Variants in SPMIP4 observed in about 807,000 individuals in gnomAD.
The protein encoded by SPMIP4 is sperm microtubule inner protein 4.
chr7:25,174,881 A>G, the SPMIP4 span, among the ~76,000 whole-genome samples: 1 of 152,208 alleles, frequency 6.6e-6, no homozygotes, highest in Non-Finnish European at 1.5e-5. This position sits in a 1 kb window ranked among gnomAD's most constrained non-coding sequence, Gnocchi z 4.5. Flanking sequence ...TTATATACTT[A>G]ATATTTTTAA....
At chr7:25,135,898 C>A in the SPMIP4 span, 1 of 1,500,410 alleles carries the variant, frequency 6.7e-7, no homozygotes, top group Non-Finnish European at 8.9e-7. Context: ...CAGAATCCAG[C>A]AATACGAAGG....
At chr7:25,148,477 C>CTTTTTTTTTTT in the SPMIP4 span, among the ~76,000 whole-genome samples, 536 of 128,112 alleles carry the variant, frequency 4.2e-3, 23 homozygotes, top group African/African-American at 0.014. Flanking sequence ...GAATCTGCCT[C>CTTTTTTTTTTT]TTTTTTTTTT....
the SPMIP4 span, among the ~76,000 whole-genome samples, chr7:25,130,367 C>A: frequency 7.1e-6 from 1 of 141,080 alleles, no homozygotes; most frequent in Non-Finnish European, 1.5e-5. Flanking sequence ...AGCTGTAGTA[C>A]AATTGCGCGA....
the SPMIP4 span, among the ~76,000 whole-genome samples, chr7:25,127,364 C>T: frequency 1.3e-5 from 2 of 152,022 alleles, no homozygotes; most frequent in African/African-American, 4.8e-5. Context: ...ATAGGTGTAC[C>T]TCATTCATTT....
At chr7:25,128,153 G>A in the SPMIP4 span, among the ~76,000 whole-genome samples, 10 of 152,230 alleles carry the variant, frequency 6.6e-5, no homozygotes, top group African/African-American at 1.2e-4. This position sits in a 1 kb window ranked among gnomAD's most constrained non-coding sequence, Gnocchi z 4.5. Flanking sequence ...GGAGAGACCT[G>A]ATGCCAACAT....
the SPMIP4 span, chr7:25,142,315 G>T: frequency 1.9e-6 from 3 of 1,609,798 alleles, no homozygotes; most frequent in African/African-American, 1.3e-5. Context: ...AGTTCAAGGG[G>T]GTCCATGGGC....
the SPMIP4 span, chr7:25,154,903 G>A: frequency 2.9e-6 from 3 of 1,037,966 alleles, no homozygotes; most frequent in Non-Finnish European, 4.2e-6. Context: ...GATCTATTGA[G>A]TCACACATTT....
chr7:25,136,883 G>A, the SPMIP4 span: 21 of 1,261,438 alleles, frequency 1.7e-5, no homozygotes, highest in African/African-American at 2.7e-4. This position sits in a 1 kb window ranked among gnomAD's most constrained non-coding sequence, Gnocchi z 5.7. Flanking sequence ...TTCATTGTCT[G>A]AGTACACGAG....
chr7:25,158,651 G>T, the SPMIP4 span: 1 of 769,542 alleles, frequency 1.3e-6, no homozygotes, highest in Non-Finnish European at 2.1e-6. Context: ...TGTAATCCCA[G>T]CACTTTGGGA....
chr7:25,127,836 C>G, the SPMIP4 span, among the ~76,000 whole-genome samples: 1,415 of 152,288 alleles, frequency 9.3e-3, 20 homozygotes, highest in African/African-American at 0.032. Context: ...ATCCACCCTT[C>G]TTGGGATGGC....
At chr7:25,167,696 A>G in the SPMIP4 span, among the ~76,000 whole-genome samples, 1 of 152,220 alleles carries the variant, frequency 6.6e-6, no homozygotes, top group Admixed American at 6.5e-5. Context: ...GATAATCAGG[A>G]TTGTTAGATA....
At chr7:25,153,933 T>C in the SPMIP4 span, among the ~76,000 whole-genome samples, 2 of 152,260 alleles carry the variant, frequency 1.3e-5, no homozygotes, top group Non-Finnish European at 2.9e-5. Flanking sequence ...GCAGTCATTA[T>C]ACGCTAGCAG....
At chr7:25,159,350 T>C in the SPMIP4 span, among the ~76,000 whole-genome samples, 1 of 152,212 alleles carries the variant, frequency 6.6e-6, no homozygotes, top group Admixed American at 6.5e-5. Flanking sequence ...ATGCCTTTTC[T>C]GAAGCAGTTC....
At chr7:25,154,887 T>C in the SPMIP4 span, 377,039 of 885,796 alleles carry the variant, frequency 0.43, 85,910 homozygotes, top group Non-Finnish European at 0.47. Context: ...TGTGAACAAG[T>C]TTCCTGATCT....
the SPMIP4 span, among the ~76,000 whole-genome samples, chr7:25,145,651 C>T: frequency 0.3 from 45,613 of 152,110 alleles, 8,303 homozygotes; most frequent in South Asian, 0.41. Flanking sequence ...TCTAGACAGA[C>T]ACTCCAGTCT....
At chr7:25,155,952 G>C in the SPMIP4 span, among the ~76,000 whole-genome samples, 1 of 152,172 alleles carries the variant, frequency 6.6e-6, no homozygotes, top group Non-Finnish European at 1.5e-5. Context: ...AAGTGTTTAT[G>C]TGTTGAATTC....
chr7:25,159,279 A>T, the SPMIP4 span, among the ~76,000 whole-genome samples: 1 of 152,212 alleles, frequency 6.6e-6, no homozygotes, highest in South Asian at 2.1e-4. Flanking sequence ...ATCTCTCATG[A>T]TAGTAAATGT....
the SPMIP4 span, among the ~76,000 whole-genome samples, chr7:25,140,125 T>A: frequency 1.3e-5 from 2 of 152,150 alleles, no homozygotes; most frequent in South Asian, 4.1e-4. Flanking sequence ...TATGTTCATA[T>A]AATATTTTCT....
At chr7:25,178,577 A>G in the SPMIP4 span, among the ~76,000 whole-genome samples, 2 of 152,306 alleles carry the variant, frequency 1.3e-5, no homozygotes, top group East Asian at 1.9e-4. Flanking sequence ...TTTGCTTACA[A>G]CATATTAATT....
Sources: allele counts gnomAD v4.1 joint callset (sites outside exome capture counted in the v4.1 genomes callset), GRCh38; gene constraint gnomAD v4.1.1; non-coding constraint Gnocchi (gnomAD v3.1); transcripts MANE v1.5; gene names NCBI Gene and HGNC (gene_info 2026-07-23, HGNC 2026-07-21).